PCDHGA6: variants seen among roughly 807,000 people sequenced by gnomAD.
PCDHGA6 encodes the protein protocadherin gamma-A6.
In PCDHGA6, 41 loss-of-function variants were observed where a neutral mutation model predicts 60.6. That is an observed-to-expected ratio of 0.68 (90% confidence interval 0.53 to 0.88). PCDHGA6 has a LOEUF of 0.88. Among genes scored for constraint, PCDHGA6 ranks in the 40% least tolerant of loss-of-function variants. The pLI is 0.00. For synonymous variants in PCDHGA6, 594 were observed against 524.4 expected (o/e 1.13, Z -1.81); for missense variants, 1,312 against 1,203.0 (o/e 1.09, Z -1.34).
chr5:141,504,200 G>C (rs1232187138), intron 2 of PCDHGA6, among the ~76,000 whole-genome samples: 1 of 152,154 alleles, frequency 6.6e-6, no homozygotes, highest in Non-Finnish European at 1.5e-5. Context: ...TTGTCACTGT[G>C]GGAAAATTCC....
chr5:141,379,878 T>C (rs1775912256), intron 1 of PCDHGA6, among the ~76,000 whole-genome samples: 1 of 147,082 alleles, frequency 6.8e-6, no homozygotes, highest in African/African-American at 2.5e-5. Flanking sequence ...TTTTATGGTC[T>C]GTGAAAGCCT....
chr5:141,487,622 C>T lies in PCDHGA6; in HGVS notation c.2425-7185C>T. Reference sequence around the variant, plus strand: ...TCTTCTCTATGGGCTAGAGGTGAGACCTTTGCAGGCTCAACAAATGCTTGA... The same window carrying T: ...TCTTCTCTATGGGCTAGAGGTGAGATCTTTGCAGGCTCAACAAATGCTTGA... On this transcript the variant is annotated intron_variant, in intron 1 of 3. Coordinates refer to ENST00000517434, the MANE Select transcript of PCDHGA6 (RefSeq NM_018919.3). This position sits in a 1 kb window ranked among gnomAD's most constrained non-coding sequence, Gnocchi z 5.0. 1.2e-6 allele frequency: 2 copies of T among 1,614,174 alleles called. No homozygotes were observed. Among genetic ancestry groups the T allele is most frequent in the South Asian group, 1.1e-5 (1 of 91,084 alleles).
At chr5:141,510,873 T>A in intron 3 of PCDHGA6, 74 bp from the exon 4 acceptor site, 1 of 1,609,964 alleles carries the variant, frequency 6.2e-7, no homozygotes, top group Non-Finnish European at 8.5e-7. Flanking sequence ...ATTCATTAAC[T>A]GCTGGGGATA....
At chr5:141,391,707 C>T (rs1004180070) in intron 1 of PCDHGA6, 1 of 152,154 alleles carries the variant, frequency 6.6e-6, no homozygotes, top group African/African-American at 2.4e-5. Context: ...CCAGGCTGGT[C>T]TTGAAGGGAA....
intron 1 of PCDHGA6, chr5:141,423,709 C>G (rs2096768343): frequency 8.7e-7 from 1 of 1,147,590 alleles, no homozygotes; most frequent in African/African-American, 1.9e-5. Context: ...TGGCACAAGT[C>G]TTTTAAGGAG....
At chr5:141,413,806 A>G (rs775797735) in intron 1 of PCDHGA6, 1 of 1,613,168 alleles carries the variant, frequency 6.2e-7, no homozygotes, top group Non-Finnish European at 8.5e-7. Context: ...GGAAGAGGCC[A>G]TTCACCACCT....
intron 1 of PCDHGA6, among the ~76,000 whole-genome samples, chr5:141,436,517 G>A (rs1398225419): frequency 1.3e-5 from 2 of 152,130 alleles, no homozygotes; most frequent in African/African-American, 4.8e-5. Flanking sequence ...TGTTAACTGT[G>A]TCACCTTTAG....
At position 141,511,542 on chromosome 5, in the gene PCDHGA6, A is replaced by C; in HGVS notation, c.*369A>C. The stretch of plus-strand genomic sequence containing the variant: ...CCCATGCCTCCCTCCTCCCCACCCC[A>C]CTCCAACAGTTCCTCTTTCCCGAGT... On this transcript the variant is annotated 3_prime_UTR_variant, in exon 4 of 4. Coordinates refer to ENST00000517434, the MANE Select transcript of PCDHGA6 (RefSeq NM_018919.3). 6.6e-6 allele frequency: 2 copies of C among 302,184 alleles called. No homozygotes were observed. The highest frequency in any genetic ancestry group is 3.7e-5 in the South Asian group (1 of 26,678). The allele number at this position is 302,184 out of a possible 1,614,324, so 18.7% of individuals were successfully genotyped here. A position where few individuals can be genotyped will look rare whatever the true frequency, so the allele number is the denominator to read the frequency against.
Position 141,490,480 on chromosome 5 carries a change from C to G in PCDHGA6, c.2425-4327C>G. On this transcript the variant is annotated intron_variant, in intron 1 of 3. Coordinates refer to ENST00000517434, the MANE Select transcript of PCDHGA6 (RefSeq NM_018919.3). This position sits in a 1 kb window ranked among gnomAD's most constrained non-coding sequence, Gnocchi z 5.4. The stretch of plus-strand genomic sequence containing the variant: ...GCTGCTAACCAGCCAGCCTTTGGAC[C>G]GGGAGGCCACATCCCACTATATCAT... 2.5e-6 allele frequency: 4 copies of G among 1,614,194 alleles called. No homozygotes were observed. The highest frequency in any genetic ancestry group is 3.4e-6 in the Non-Finnish European group (4 of 1,180,050).
In PCDHGA6 at chr5:141,393,826, A is replaced by T. The variant is rs1182278213; in HGVS notation, c.2424+17319A>T. 6.2e-7 allele frequency: 1 copy of T among 1,613,988 alleles called. No homozygotes were observed. Among genetic ancestry groups the T allele is most frequent in the African/African-American group, 1.3e-5 (1 of 75,050 alleles). Reference sequence around the variant, plus strand: ...AGGACCAAATTGCTCATTTCGGTGGAAGATGTAAATGACAATAGACCAGAA... The same window carrying T: ...AGGACCAAATTGCTCATTTCGGTGGTAGATGTAAATGACAATAGACCAGAA... On this transcript the variant is annotated intron_variant, in intron 1 of 3. Coordinates refer to ENST00000517434, the MANE Select transcript of PCDHGA6 (RefSeq NM_018919.3).
chr5:141,402,955 G>A (rs753305536), intron 1 of PCDHGA6: 3 of 1,601,910 alleles, frequency 1.9e-6, no homozygotes, highest in Non-Finnish European at 2.6e-6. Context: ...AGGCAGCAAT[G>A]GCAGCTCCAA....
At chr5:141,421,512 G>A in intron 1 of PCDHGA6, 1 of 1,614,094 alleles carries the variant, frequency 6.2e-7, no homozygotes, top group Non-Finnish European at 8.5e-7. Flanking sequence ...ACCGGGAGGA[G>A]CTCTGTGAGA....
chr5:141,375,539 CAA>C lies in PCDHGA6; in HGVS notation c.1457_1458del (p.Gln486ArgfsTer37), dbSNP rs761563017. The C allele has an allele frequency of 1.7e-5, 28 of 1,613,986 alleles. No homozygotes were observed. The East Asian group carries it at 6.0e-4, about 35-fold the overall frequency. On this transcript the variant is annotated frameshift_variant, in exon 1 of 4. Transcript: ENST00000517434. LOFTEE classifies it high-confidence loss of function. ...GGACCCTGACGTGGACCAGAACGCC[CAA>C]GTCTCCTACTCACTGGCAGAAGACA... ...ALDPDVDQNA[Q>X]VSYSLAEDTL...
chr5:141,420,067 A>G (rs2096463342), intron 1 of PCDHGA6: 2 of 1,614,034 alleles, frequency 1.2e-6, no homozygotes, highest in East Asian at 2.2e-5. Flanking sequence ...CCAAGTCCGG[A>G]CCTGTGGGTC....
At chr5:141,382,364 T>A (rs919179170) in intron 1 of PCDHGA6, among the ~76,000 whole-genome samples, 6 of 152,264 alleles carry the variant, frequency 3.9e-5, no homozygotes, top group African/African-American at 1.4e-4. Flanking sequence ...AAATAAAATT[T>A]ACCTTTTTGC....
At chr5:141,416,501 T>C (rs1164504285) in intron 1 of PCDHGA6, 6 of 152,148 alleles carry the variant, frequency 3.9e-5, no homozygotes, top group Non-Finnish European at 7.4e-5. Context: ...AAGAGATATA[T>C]GACAAAGCTA....
intron 1 of PCDHGA6, chr5:141,421,647 G>A: frequency 6.2e-7 from 1 of 1,613,872 alleles, no homozygotes; most frequent in Non-Finnish European, 8.5e-7. Context: ...ACGAAGTGGA[G>A]ATAAAAGTCA....
rs763321545 is a variant in PCDHGA6 at position 141,389,799 on chromosome 5, C to A, written c.2424+13292C>A. 1.2e-5 allele frequency: 19 copies of A among 1,613,678 alleles called. No individual in the cohort carries two copies. The South Asian group carries it at 1.9e-4, about 16-fold the overall frequency. On this transcript the variant is annotated intron_variant, in intron 1 of 3. Transcript: ENST00000517434. ...AGGCGACAGGGACGCCGTCCGCCAG[C>A]GCCTTCTGGTCGCCGTGCGTGACGG...
At chr5:141,504,986 AC>A (rs1225847397) in intron 2 of PCDHGA6, among the ~76,000 whole-genome samples, 4 of 151,936 alleles carry the variant, frequency 2.6e-5, no homozygotes, top group Non-Finnish European at 5.9e-5. Context: ...ACATGGTGAA[AC>A]CCCGTCTGTA....
Sources: gnomAD v4.1 joint callset for allele counts (sites outside exome capture counted in the v4.1 genomes callset) on GRCh38, gnomAD v4.1.1 for gene constraint, Gnocchi (gnomAD v3.1) non-coding constraint, MANE v1.5 for transcripts, NCBI Gene and HGNC (gene_info 2026-07-23, HGNC 2026-07-21) for gene names.